Variants in BEST1 observed in about 807,000 individuals in gnomAD.
The protein encoded by BEST1 is bestrophin 1, also known as bestrophin-1.
In BEST1, 58 loss-of-function variants were observed where a neutral mutation model predicts 63.3. The ratio of observed to expected loss-of-function variants is 0.92; its 90% CI spans 0.74 to 1.14. BEST1 has a LOEUF of 1.14. Among genes scored for constraint, BEST1 ranks in the 50% most tolerant of loss-of-function variants. The pLI is 0.00. For synonymous variants in BEST1, 283 were observed against 291.6 expected, an observed-to-expected ratio of 0.97 and a Z score of 0.30; for missense variants, 671 against 740.1, an observed-to-expected ratio of 0.91 and a Z score of 1.08.
At chr11:61,958,901 C>T (rs867413945) in intron 7 of BEST1, 5,801 of 34,520 alleles carry the variant, frequency 0.17, 325 homozygotes, top group African/African-American at 0.35. Flanking sequence ...CACACACACA[C>T]ACACATACAC....
intron 3 of BEST1, 176 bp downstream of exon 3, chr11:61,955,377 T>G: frequency 1.4e-6 from 2 of 1,469,778 alleles, no homozygotes; most frequent in Non-Finnish European, 1.8e-6. Context: ...GAAACTGAAG[T>G]TAGACGTTAG....
In BEST1 at chr11:61,951,908, C is replaced by T. The variant is rs771898125; in HGVS notation, c.102C>T (p.Gly34=). The T allele has an allele frequency of 2.5e-5, 40 of 1,613,450 alleles. No individual in the cohort carries two copies. The highest frequency in any genetic ancestry group is 3.3e-5 in the South Asian group (3 of 91,070). ...WRGSIYKLLY[G]EFLIFLLCYY... is the part of the protein sequence containing the mutation. ...GCAGCATCTACAAGCTGCTATATGG[C>T]GAGTTCTTAATCTTCCTGCTCTGCT... The change falls in exon 2 of 11, where the codon GGC becomes GGT. Residue 34 remains glycine (G), a synonymous_variant. Coordinates refer to ENST00000378043, the MANE Select transcript of BEST1 (RefSeq NM_004183.4).
chr11:61,959,561 G>T lies in BEST1; in HGVS notation c.931G>T (p.Val311Phe). The change falls in exon 8 of 11, where the codon GTC (valine) becomes TTC (phenylalanine). Residue 311 changes from valine (V) to phenylalanine (F), a missense_variant. Val to Phe is a conservative substitution (Grantham distance 50, BLOSUM62 -1). Coordinates refer to ENST00000378043, the MANE Select transcript of BEST1 (RefSeq NM_004183.4). ...TGATGATTTTGAGACCAACTGGATT[G>T]TCGACAGGAATTTGCAGGTATGGGG... ...DDDDFETNWI[V>F]DRNLQVSLLA... The T allele has an allele frequency of 6.2e-7, 1 of 1,614,164 alleles. No homozygotes were observed. The highest frequency in any genetic ancestry group is 8.5e-7 in the Non-Finnish European group (1 of 1,180,028).
intron 4 of BEST1, among the ~76,000 whole-genome samples, chr11:61,956,414 G>A (rs1218703429): frequency 6.6e-6 from 1 of 152,122 alleles, no homozygotes; most frequent in Non-Finnish European, 1.5e-5. Flanking sequence ...TGCTTTAGGA[G>A]GCAAAGGTGG....
At position 61,957,477 on chromosome 11, in the gene BEST1, C is replaced by T. The variant is rs571352824; in HGVS notation, c.714+13C>T. On this transcript the variant is annotated intron_variant, in intron 6 of 10. Transcript: ENST00000378043. ...GGTGTATACACAGGTGAGGACTAGG[C>T]TGGTGAGGCTGCCCTTTTGGGAAAC... The T allele has an allele frequency of 1.3e-4, 211 of 1,612,848 alleles. 4 individuals are homozygous for T. In the South Asian group the frequency reaches 2.2e-3, roughly 17 times the overall value.
intron 2 of BEST1, chr11:61,954,870 G>A (rs1941102989): frequency 1.0e-6 from 1 of 985,336 alleles, no homozygotes; most frequent in Non-Finnish European, 1.2e-6. Flanking sequence ...CCAGTGGCCA[G>A]TGTGAGGATT....
At chr11:61,963,853 A>C (rs1942326026) in intron 10 of BEST1, 1 of 1,266,114 alleles carries the variant, frequency 7.9e-7, no homozygotes, top group Non-Finnish European at 1.0e-6. Flanking sequence ...AAAAAAATAC[A>C]AATCAGCTGG....
rs765331141 is a variant in BEST1 at position 61,964,095 on chromosome 11, T to C, written c.1740-9T>C. On this transcript the variant is annotated splice_polypyrimidine_tract_variant and intron_variant, in intron 10 of 10. Transcript: ENST00000378043. The stretch of plus-strand genomic sequence containing the variant: ...ATACTTATGCTGTTAATACTTTCAT[T>C]CTCACTAGGGATGAAGCACATTCCT... 1 of 1,614,012 alleles carries C rather than the reference T, an allele frequency of 6.2e-7. No homozygotes were observed.
chr11:61,956,473 G>A (rs1941374762), intron 4 of BEST1, among the ~76,000 whole-genome samples: 1 of 152,034 alleles, frequency 6.6e-6, no homozygotes, highest in Non-Finnish European at 1.5e-5. Flanking sequence ...GCAACATAGC[G>A]AGACCCCCAT....
At chr11:61,963,937 G>C in intron 10 of BEST1, 167 bp from the exon 11 acceptor site, 1 of 1,447,096 alleles carries the variant, frequency 6.9e-7, no homozygotes, top group African/African-American at 1.4e-5. Context: ...GGTGGTGGTT[G>C]CAGTGAGATT....
Position 61,952,794 on chromosome 11 carries a change from A to T in BEST1, c.152+836A>T, listed in dbSNP as rs142607237. ...GCACAGCCCACATGGTACATTTTTT[A>T]AAATTATTTTTTAATTAAAATGTTT... On this transcript the variant is annotated intron_variant, in intron 2 of 10. Coordinates refer to ENST00000378043, the MANE Select transcript of BEST1 (RefSeq NM_004183.4). 8.7e-3 allele frequency among the ~76,000 whole-genome samples: 1,330 copies of T among 152,048 alleles called. 15 individuals carry two copies. The highest frequency in any genetic ancestry group is 0.014 in the Admixed American group (217 of 15,266).
In BEST1 at chr11:61,955,812, C is replaced by G. The variant is rs1162944741; in HGVS notation, c.342C>G (p.Val114=). 3.2e-6 allele frequency: 5 copies of G among 1,550,402 alleles called. No homozygotes were observed. The highest frequency in any genetic ancestry group is 2.0e-5 in the Admixed American group (1 of 51,014). The change falls in exon 4 of 11, where the codon GTC becomes GTG. Residue 114 remains valine, a synonymous_variant. Coordinates refer to ENST00000378043, the MANE Select transcript of BEST1 (RefSeq NM_004183.4). Reference sequence around the variant, plus strand: ...TCATGAGCCTGGTGTCGGGCTTCGTCGAAGGCAAGGACGAGCAAGGCCGGC... The same window carrying G: ...TCATGAGCCTGGTGTCGGGCTTCGTGGAAGGCAAGGACGAGCAAGGCCGGC... ...DRLMSLVSGF[V]EGKDEQGRLL...
chr11:61,963,644 A>C, intron 10 of BEST1: 3 of 1,052,236 alleles, frequency 2.9e-6, no homozygotes, highest in Non-Finnish European at 3.4e-6. Context: ...AGCTATTATG[A>C]TTGAAAACTT....
At chr11:61,959,605 C>A (rs1941827218) in intron 8 of BEST1, 27 bp downstream of exon 8, 1 of 1,611,866 alleles carries the variant, frequency 6.2e-7, no homozygotes, top group Non-Finnish European at 8.5e-7. Flanking sequence ...AGAAACCATA[C>A]CATGGACCTT....
intron 2 of BEST1, 74 bp downstream of exon 2, chr11:61,952,032 A>G: frequency 6.5e-7 from 1 of 1,549,970 alleles, no homozygotes; most frequent in Middle Eastern, 2.1e-4. Context: ...GGGGCCTCCC[A>G]GCCAGCTCAG....
At chr11:61,950,841 G>A (rs1694963353) in intron 1 of BEST1, among the ~76,000 whole-genome samples, 1 of 152,158 alleles carries the variant, frequency 6.6e-6, no homozygotes, top group Non-Finnish European at 1.5e-5. Context: ...TGGCAGTGGG[G>A]CTCTATTTCC....
At chr11:61,950,660 T>G (rs1165360638) in intron 1 of BEST1, among the ~76,000 whole-genome samples, 1 of 152,150 alleles carries the variant, frequency 6.6e-6, no homozygotes, top group Admixed American at 6.6e-5. Context: ...GGAGGGGGCA[T>G]CAATCACTGC....
At chr11:61,964,511 G>A, downstream of BEST1, 1 of 642,860 alleles carries the variant, frequency 1.6e-6, no homozygotes, top group Non-Finnish European at 2.7e-6. Context: ...TAAGGAATCT[G>A]GAAGATAGCC....
At chr11:61,957,357 A>T (rs377090116) in intron 5 of BEST1, 30 bp from the exon 6 acceptor site, 37 of 1,604,720 alleles carry the variant, frequency 2.3e-5, no homozygotes, top group Non-Finnish European at 2.8e-5. Context: ...GGTGGTGTTC[A>T]GAACCCCATC....
Sources: gnomAD v4.1 joint callset for allele counts (sites outside exome capture counted in the v4.1 genomes callset) on GRCh38, gnomAD v4.1.1 for gene constraint, MANE v1.5 for transcripts, NCBI Gene and HGNC (gene_info 2026-07-23, HGNC 2026-07-21) for gene names.